UBAC2: variants seen among roughly 807,000 people sequenced by gnomAD.
UBAC2 encodes the protein ubiquitin-associated domain-containing protein 2.
UBAC2 carries 26 observed loss-of-function variants against 44.0 expected under a neutral mutation model. The ratio of observed to expected loss-of-function variants is 0.59; its 90% CI spans 0.43 to 0.82. The LOEUF is 0.82. Ranked by LOEUF, UBAC2 falls within the 40% of genes least tolerant of loss-of-function variation. UBAC2 has a pLI of 0.00. For missense variants in UBAC2, 329 were observed against 419.4 expected (o/e 0.78, Z 1.88); for synonymous variants, 155 against 154.3 (o/e 1.00, Z -0.04).
intron 5 of UBAC2, among the ~76,000 whole-genome samples, chr13:99,316,688 A>C (rs2044496372): frequency 6.6e-6 from 1 of 152,224 alleles, no homozygotes; most frequent in Non-Finnish European, 1.5e-5. Flanking sequence ...CCACACAGGC[A>C]ATGAGAGGCT....
At chr13:99,270,672 C>G (rs555091531) in intron 4 of UBAC2, among the ~76,000 whole-genome samples, 68 of 152,140 alleles carry the variant, frequency 4.5e-4, no homozygotes, top group Non-Finnish European at 7.2e-4. Context: ...TGGACATGCA[C>G]ATGAGTTCTG....
chr13:99,295,621 C>T lies in UBAC2; in HGVS notation c.390-18476C>T. ...ACTCCATGCATGTAATCCTTTCAGC[C>T]TCCTGCTTTGACATAGGGTTGATGA... On this transcript the variant is annotated intron_variant, in intron 4 of 8. Transcript: ENST00000403766. This position sits in a 1 kb window ranked among gnomAD's most constrained non-coding sequence, Gnocchi z 4.1. The T allele has an allele frequency of 1.2e-6, 2 of 1,614,134 alleles. No individual in the cohort carries two copies. The highest frequency in any genetic ancestry group is 1.7e-6 in the Non-Finnish European group (2 of 1,180,030).
At chr13:99,280,182 TCTC>T (rs1334633712) in intron 4 of UBAC2, among the ~76,000 whole-genome samples, 1 of 152,130 alleles carries the variant, frequency 6.6e-6, no homozygotes, top group East Asian at 1.9e-4. Context: ...CCTTGAGAAA[TCTC>T]CTATGGCTTC....
chr13:99,315,508 G>C (rs188607905), intron 5 of UBAC2, among the ~76,000 whole-genome samples: 1 of 152,272 alleles, frequency 6.6e-6, no homozygotes, highest in East Asian at 1.9e-4. Context: ...TATTAATTGT[G>C]GAGTAGGAGT....
intron 6 of UBAC2, among the ~76,000 whole-genome samples, chr13:99,320,010 G>A (rs1829822905): frequency 6.6e-6 from 1 of 152,134 alleles, no homozygotes; most frequent in African/African-American, 2.4e-5. Context: ...GTACCTTATT[G>A]TATACGATTT....
intron 4 of UBAC2, chr13:99,255,469 G>A (rs776752710): frequency 2.5e-6 from 4 of 1,614,072 alleles, no homozygotes; most frequent in African/African-American, 1.3e-5. Context: ...GGCTTTGCAC[G>A]TGTTTTTAAG....
chr13:99,327,035 A>G (rs1160191128), intron 6 of UBAC2, among the ~76,000 whole-genome samples: 1 of 152,214 alleles, frequency 6.6e-6, no homozygotes, highest in Non-Finnish European at 1.5e-5. Context: ...TTTTCTTCGT[A>G]ATATGAAGAA....
intron 8 of UBAC2, 86 bp downstream of exon 8, chr13:99,367,992 CAAG>C (rs1366455905): frequency 5.3e-6 from 8 of 1,504,388 alleles, no homozygotes; most frequent in Non-Finnish European, 7.2e-6. Context: ...CAAAAGTAAT[CAAG>C]CGTGTAAATA....
rs117416561 is a variant in UBAC2 at position 99,324,508 on chromosome 13, A to G, written c.561+6439A>G. 7.2e-4 allele frequency among the ~76,000 whole-genome samples: 110 copies of G among 152,380 alleles called. 2 individuals are homozygous for G. The East Asian group carries it at 0.02, about 27-fold the overall frequency. ...CCAACATGTAGCATGAACAGGAAAG[A>G]AATCTTTGTTATAAGCTACTGAAAT... On this transcript the variant is annotated intron_variant, in intron 6 of 8. Coordinates refer to ENST00000403766, the MANE Select transcript of UBAC2 (RefSeq NM_001144072.2).
intron 4 of UBAC2, chr13:99,254,849 TG>T (rs780622512): frequency 2.6e-6 from 4 of 1,562,190 alleles, no homozygotes; most frequent in Non-Finnish European, 3.5e-6. Flanking sequence ...TGAATTTTGA[TG>T]GGATTGAAAT....
chr13:99,210,801 G>T (rs1433736404), intron 1 of UBAC2, among the ~76,000 whole-genome samples: 1 of 151,914 alleles, frequency 6.6e-6, no homozygotes, highest in African/African-American at 2.4e-5. Flanking sequence ...TAGTAGAGAC[G>T]GGGTTTCACC....
intron 7 of UBAC2, among the ~76,000 whole-genome samples, chr13:99,364,784 G>A (rs192861984): frequency 2.5e-4 from 38 of 152,196 alleles, no homozygotes; most frequent in African/African-American, 8.7e-4. Context: ...ATGTCATTCT[G>A]GTTCATTCAT....
chr13:99,338,582 A>T (rs1235780976), intron 6 of UBAC2, among the ~76,000 whole-genome samples: 4 of 152,138 alleles, frequency 2.6e-5, no homozygotes, highest in African/African-American at 9.7e-5. Flanking sequence ...ATGGTTCAGG[A>T]TTAGTTTCTG....
At chr13:99,290,216 G>T (rs899517361) in intron 4 of UBAC2, among the ~76,000 whole-genome samples, 2 of 152,180 alleles carry the variant, frequency 1.3e-5, no homozygotes, top group Admixed American at 6.5e-5. Flanking sequence ...CAGCATTCTT[G>T]TGAGATTTGA....
At chr13:99,336,962 C>T (rs2044798029) in intron 6 of UBAC2, among the ~76,000 whole-genome samples, 2 of 152,012 alleles carry the variant, frequency 1.3e-5, no homozygotes, top group Non-Finnish European at 2.9e-5. Context: ...ACCCCTTCCC[C>T]TTCTTTCTCC....
intron 2 of UBAC2, among the ~76,000 whole-genome samples, chr13:99,239,571 G>GA (rs1243624931): frequency 1.3e-5 from 2 of 152,206 alleles, no homozygotes; most frequent in Admixed American, 1.3e-4. Context: ...GACCACTAAT[G>GA]TAAGGGCCCC....
rs373601112 is a variant in UBAC2 at position 99,244,610 on chromosome 13, T to C, written c.375T>C (p.Asn125=). The change falls in exon 4 of 9, where the codon AAT becomes AAC. Residue 125 remains asparagine, a synonymous_variant. Transcript: ENST00000403766. ...TCTTTGGCATCACTGCAGCTAGTAA[T>C]TTGCCTTCTGGATTGTAAGTAGCAC... is the stretch of plus-strand genomic sequence containing the variant. The part of the protein sequence containing the change: ...QYFFGITAAS[N]LPSGFLAPVF... 365 of 1,610,054 alleles carry C rather than the reference T, an allele frequency of 2.3e-4. No homozygotes were observed. The highest frequency in any genetic ancestry group is 2.9e-4 in the Non-Finnish European group (339 of 1,176,622).
chr13:99,259,556 C>G (rs532289512), intron 4 of UBAC2, among the ~76,000 whole-genome samples: 3 of 152,114 alleles, frequency 2.0e-5, no homozygotes, highest in Non-Finnish European at 4.4e-5. Flanking sequence ...AAGGTAAAGC[C>G]AGGTCCAGTT....
At chr13:99,369,298 G>T (rs889757556) in intron 8 of UBAC2, among the ~76,000 whole-genome samples, 2 of 152,134 alleles carry the variant, frequency 1.3e-5, no homozygotes, top group African/African-American at 4.8e-5. Flanking sequence ...TTTTACAGTG[G>T]TGCAAAAGTG....
Sources: gnomAD v4.1 joint callset for allele counts (sites outside exome capture counted in the v4.1 genomes callset) on GRCh38, gnomAD v4.1.1 for gene constraint, Gnocchi (gnomAD v3.1) non-coding constraint, MANE v1.5 for transcripts, NCBI Gene and HGNC (gene_info 2026-07-23, HGNC 2026-07-21) for gene names.